Variants in LRRC37A2 observed in about 807,000 individuals in gnomAD.
LRRC37A2 encodes the protein leucine-rich repeat-containing protein 37A2.
Under a neutral mutation model 68.8 loss-of-function variants are expected in LRRC37A2, and 9 were observed. The observed-to-expected ratio is 0.13, with a 90% CI of 0.08 to 0.23. LRRC37A2 has a LOEUF of 0.23. Among genes scored for constraint, LRRC37A2 ranks in the 10% least tolerant of loss-of-function variants. LRRC37A2 has a pLI of 1.00. For synonymous variants in LRRC37A2, 63 were observed against 367.6 expected (o/e 0.17, Z 9.48); for missense variants, 168 against 950.4 (o/e 0.18, Z 10.82).
At chr17:46,494,986 C>T in the LRRC37A2 span, among the ~76,000 whole-genome samples, 1 of 150,274 alleles carries the variant, frequency 6.7e-6, no homozygotes, top group Non-Finnish European at 1.5e-5. Context: ...TGCTTCCCAG[C>T]CCCCGGTAAC....
chr17:46,871,263 T>C, the LRRC37A2 span, among the ~76,000 whole-genome samples: 1 of 152,060 alleles, frequency 6.6e-6, no homozygotes, highest in East Asian at 1.9e-4. Flanking sequence ...CAGGGTTACT[T>C]CTCTTGGGCT....
chr17:46,761,504 T>G, the LRRC37A2 span, among the ~76,000 whole-genome samples: 1 of 151,900 alleles, frequency 6.6e-6, no homozygotes, highest in African/African-American at 2.4e-5. Context: ...GCTGCTAATT[T>G]TTGTATTTTT....
the LRRC37A2 span, among the ~76,000 whole-genome samples, chr17:46,959,934 A>C: frequency 6.6e-6 from 1 of 152,342 alleles, no homozygotes; most frequent in South Asian, 2.1e-4. Context: ...GCCCTGAGAC[A>C]GGACATCATG....
the LRRC37A2 span, among the ~76,000 whole-genome samples, chr17:46,463,866 C>CAAA: frequency 1.1e-5 from 1 of 87,772 alleles, no homozygotes; most frequent in Non-Finnish European, 2.4e-5. Context: ...ATCCCGTCTT[C>CAAA]AAAAAAAAAA....
chr17:47,029,097 G>C, the LRRC37A2 span, among the ~76,000 whole-genome samples: 1 of 152,040 alleles, frequency 6.6e-6, no homozygotes, highest in Non-Finnish European at 1.5e-5. Context: ...AGAATGGCTT[G>C]AACCCGGGAG....
intron 8 of LRRC37A2, among the ~76,000 whole-genome samples, chr17:46,543,674 C>T (rs2055828617): frequency 1.3e-5 from 2 of 150,884 alleles, no homozygotes; most frequent in Admixed American, 1.3e-4. Context: ...TAGACATACA[C>T]ACACGGAAAG....
chr17:46,685,469 G>A, the LRRC37A2 span, among the ~76,000 whole-genome samples: 1 of 151,870 alleles, frequency 6.6e-6, no homozygotes, highest in Admixed American at 6.6e-5. Flanking sequence ...CCACACTGAC[G>A]GAGATGAACA....
chr17:46,806,559 G>C, the LRRC37A2 span, among the ~76,000 whole-genome samples: 1 of 152,178 alleles, frequency 6.6e-6, no homozygotes, highest in Non-Finnish European at 1.5e-5. Context: ...CTGCTTTCTC[G>C]AGGCTGCTTT....
the LRRC37A2 span, chr17:46,940,818 G>A: frequency 1.4e-5 from 20 of 1,470,132 alleles, no homozygotes; most frequent in Non-Finnish European, 1.7e-5. Context: ...TACCACCTGC[G>A]GCTGGTGGAC....
chr17:46,735,580 C>T, the LRRC37A2 span, among the ~76,000 whole-genome samples: 12 of 151,972 alleles, frequency 7.9e-5, no homozygotes, highest in African/African-American at 2.9e-4. Context: ...AGAGATAATT[C>T]CTCATGTGTT....
At chr17:47,045,349 A>G in the LRRC37A2 span, among the ~76,000 whole-genome samples, 3 of 149,866 alleles carry the variant, frequency 2.0e-5, no homozygotes, top group African/African-American at 7.3e-5. Flanking sequence ...CCTCTGCAAC[A>G]TAATAATTAT....
the LRRC37A2 span, among the ~76,000 whole-genome samples, chr17:46,977,164 G>A: frequency 6.6e-6 from 1 of 152,156 alleles, no homozygotes; most frequent in Non-Finnish European, 1.5e-5. Flanking sequence ...CCTGTGCCAA[G>A]CCTCTCCCTA....
At chr17:46,952,907 C>T in the LRRC37A2 span, 2 of 152,160 alleles carry the variant, frequency 1.3e-5, no homozygotes, top group African/African-American at 4.8e-5. Context: ...AAACCCATGT[C>T]TTTCCCTGCC....
At chr17:46,849,208 C>T in the LRRC37A2 span, among the ~76,000 whole-genome samples, 1 of 152,246 alleles carries the variant, frequency 6.6e-6, no homozygotes, top group Admixed American at 6.5e-5. Context: ...CCTCGTGTTT[C>T]TCACTCTCCA....
the LRRC37A2 span, among the ~76,000 whole-genome samples, chr17:46,900,220 C>CAT: frequency 0.013 from 1,642 of 121,988 alleles, 66 homozygotes; most frequent in African/African-American, 0.057. Context: ...CACACACACA[C>CAT]ATATATATAT....
chr17:46,820,748 G>C, the LRRC37A2 span, among the ~76,000 whole-genome samples: 16 of 152,154 alleles, frequency 1.1e-4, no homozygotes, highest in Non-Finnish European at 2.1e-4. Context: ...GTCCTACCTG[G>C]AGTCCTGTCC....
chr17:46,896,801 G>A, the LRRC37A2 span, among the ~76,000 whole-genome samples: 1 of 152,140 alleles, frequency 6.6e-6, no homozygotes, highest in Non-Finnish European at 1.5e-5. Flanking sequence ...ATTCCTCCTG[G>A]ATTCCAGCGC....
the LRRC37A2 span, among the ~76,000 whole-genome samples, chr17:46,392,464 T>G: frequency 6.3e-5 from 4 of 63,504 alleles, no homozygotes; most frequent in Admixed American, 5.7e-4. Context: ...TTTCTTTCTT[T>G]CTTTCTTTCC....
At chr17:47,007,524 T>C in the LRRC37A2 span, among the ~76,000 whole-genome samples, 1 of 152,224 alleles carries the variant, frequency 6.6e-6, no homozygotes, top group Non-Finnish European at 1.5e-5. Context: ...TAAAAACTGC[T>C]ATTGGAATTA....
Sources: gnomAD v4.1 joint callset for allele counts (sites outside exome capture counted in the v4.1 genomes callset) on GRCh38, gnomAD v4.1.1 for gene constraint, MANE v1.5 for transcripts, NCBI Gene and HGNC (gene_info 2026-07-23, HGNC 2026-07-21) for gene names.